The following SGCZ variants were observed in gnomAD, a reference collection of about 807,000 sequenced individuals.
SGCZ encodes the protein zeta-sarcoglycan.
A neutral mutation model predicts 41.3 loss-of-function variants in SGCZ; 40 were observed. The observed-to-expected ratio is 0.97, with a 90% CI of 0.75 to 1.26. The LOEUF is 1.26. Ranked by LOEUF, SGCZ falls within the 50% of genes most tolerant of loss-of-function variation. SGCZ has a pLI of 0.00. For synonymous variants in SGCZ, 206 were observed against 137.5 expected, an observed-to-expected ratio of 1.50 and a Z score of -3.49; for missense variants, 552 against 369.8, an observed-to-expected ratio of 1.49 and a Z score of -4.04.
intron 1 of SGCZ, among the ~76,000 whole-genome samples, chr8:14,792,707 C>G (rs935857928): frequency 6.6e-6 from 1 of 152,094 alleles, no homozygotes; most frequent in Non-Finnish European, 1.5e-5. Context: ...CCTAATGCAT[C>G]TTTCAACAGA....
intron 2 of SGCZ, among the ~76,000 whole-genome samples, chr8:14,381,634 C>A (rs1585430217): frequency 6.6e-6 from 1 of 151,704 alleles, no homozygotes; most frequent in East Asian, 2.0e-4. Flanking sequence ...GAAAAATTGG[C>A]TGGGTGTAGT....
intron 1 of SGCZ, among the ~76,000 whole-genome samples, chr8:14,728,547 A>AAACATTTG (rs1259518153): frequency 6.6e-6 from 1 of 152,162 alleles, no homozygotes; most frequent in Non-Finnish European, 1.5e-5. Context: ...AGATTTTAGT[A>AAACATTTG]AACATTTGAT....
chr8:14,402,409 T>A (rs1186050874), intron 2 of SGCZ, among the ~76,000 whole-genome samples: 1 of 151,886 alleles, frequency 6.6e-6, no homozygotes, highest in Non-Finnish European at 1.5e-5. Flanking sequence ...TTCTAGGATT[T>A]TTATGGTTTT....
At chr8:14,744,467 T>C (rs1799287248) in intron 1 of SGCZ, among the ~76,000 whole-genome samples, 2 of 152,090 alleles carry the variant, frequency 1.3e-5, no homozygotes, top group Non-Finnish European at 2.9e-5. Flanking sequence ...AATGCATCCA[T>C]ATCAAAATTT....
chr8:15,073,567 T>A (rs1232605114), intron 1 of SGCZ, among the ~76,000 whole-genome samples: 1 of 152,198 alleles, frequency 6.6e-6, no homozygotes, highest in Non-Finnish European at 1.5e-5. Context: ...ATTAACATTT[T>A]AATCTGTAAA....
chr8:15,148,585 A>G (rs963764919), intron 1 of SGCZ, among the ~76,000 whole-genome samples: 19 of 152,162 alleles, frequency 1.2e-4, no homozygotes, highest in African/African-American at 4.6e-4. Flanking sequence ...ACCATCAATT[A>G]TTTTTGCTTG....
rs768641867 is a variant in SGCZ, at chr8:14,554,776, A to C, written c.190T>G (p.Leu64Val). The change falls in exon 2 of 8, where the codon TTA becomes GTA. Residue 64 changes from leucine to valine, a missense_variant. By Grantham distance (32) the Leu-to-Val change is conservative. Transcript: ENST00000382080. ...LLLLVTMIVN[L>V]AMTIWILKVM... Reference sequence around the variant, plus strand: ...TTCAATATCCATATTGTCATGGCTAAGTTAACTATCATGGTAACCAACAGC... The same window carrying C: ...TTCAATATCCATATTGTCATGGCTACGTTAACTATCATGGTAACCAACAGC... 1.9e-6 allele frequency: 3 copies of C among 1,613,144 alleles called. No homozygotes were observed. In the South Asian group the frequency reaches 3.3e-5, roughly 18 times the overall value.
chr8:14,529,824 T>C (rs751752332), intron 2 of SGCZ, among the ~76,000 whole-genome samples: 18 of 152,082 alleles, frequency 1.2e-4, no homozygotes, highest in Admixed American at 7.2e-4. Context: ...CTTATTCTCA[T>C]CTTTATTGTA....
chr8:14,227,788 C>T (rs756216927), intron 4 of SGCZ, among the ~76,000 whole-genome samples: 36 of 151,960 alleles, frequency 2.4e-4, no homozygotes, highest in African/African-American at 7.2e-4. Context: ...ATTCCCACTA[C>T]GGTTTATTTT....
chr8:15,021,200 G>A (rs1304692755), intron 1 of SGCZ, among the ~76,000 whole-genome samples: 1 of 152,120 alleles, frequency 6.6e-6, no homozygotes, highest in Non-Finnish European at 1.5e-5. Flanking sequence ...ATTTAGAACT[G>A]GTATCAATTC....
At chr8:15,109,954 T>C (rs1413548826) in intron 1 of SGCZ, among the ~76,000 whole-genome samples, 2 of 152,216 alleles carry the variant, frequency 1.3e-5, no homozygotes, top group Admixed American at 6.5e-5. Context: ...ACTTTTAATG[T>C]TACAGTCACT....
At chr8:14,475,019 A>T (rs1281552652) in intron 2 of SGCZ, among the ~76,000 whole-genome samples, 1 of 152,202 alleles carries the variant, frequency 6.6e-6, no homozygotes, top group Non-Finnish European at 1.5e-5. Context: ...TCTCCAATCT[A>T]GCATCAGGCT....
At chr8:14,524,220 T>A (rs1225635195) in intron 2 of SGCZ, among the ~76,000 whole-genome samples, 1 of 141,716 alleles carries the variant, frequency 7.1e-6, no homozygotes, top group Non-Finnish European at 1.5e-5. Flanking sequence ...CTGTTTTAGT[T>A]TTTTTTTTTT....
intron 2 of SGCZ, among the ~76,000 whole-genome samples, chr8:14,475,815 A>G (rs1242592104): frequency 6.6e-6 from 1 of 152,148 alleles, no homozygotes; most frequent in African/African-American, 2.4e-5. Context: ...AATGTTGAAT[A>G]TACACATTGT....
chr8:14,102,095 TA>T (rs1563127103), intron 7 of SGCZ, among the ~76,000 whole-genome samples: 23 of 97,700 alleles, frequency 2.4e-4, no homozygotes, highest in Middle Eastern at 4.9e-3. Flanking sequence ...TATATATATA[TA>T]TATATATAAT....
chr8:14,094,374 A>C (rs1585127522), intron 7 of SGCZ, among the ~76,000 whole-genome samples: 1 of 151,894 alleles, frequency 6.6e-6, no homozygotes. Context: ...CCCAATTAGG[A>C]GTACATGTGG....
At chr8:14,826,412 G>C (rs1209891961) in intron 1 of SGCZ, among the ~76,000 whole-genome samples, 2 of 152,056 alleles carry the variant, frequency 1.3e-5, no homozygotes, top group Admixed American at 6.6e-5. Flanking sequence ...ATGTGTCTTT[G>C]TAGCAGCATC....
At chr8:14,885,633 G>C (rs924463204) in intron 1 of SGCZ, among the ~76,000 whole-genome samples, 1 of 152,020 alleles carries the variant, frequency 6.6e-6, no homozygotes, top group Non-Finnish European at 1.5e-5. Context: ...AGTCAGGAAA[G>C]GGACTTTCAT....
At chr8:14,871,664 C>T (rs1419560821) in intron 1 of SGCZ, among the ~76,000 whole-genome samples, 1 of 151,450 alleles carries the variant, frequency 6.6e-6, no homozygotes, top group Non-Finnish European at 1.5e-5. Flanking sequence ...ATTAGCTGGG[C>T]ATGGTGGCAT....
Sources: gnomAD v4.1 joint callset for allele counts (sites outside exome capture counted in the v4.1 genomes callset) on GRCh38, gnomAD v4.1.1 for gene constraint, MANE v1.5 for transcripts, NCBI Gene and HGNC (gene_info 2026-07-23, HGNC 2026-07-21) for gene names.